The following NT5C2 variants were observed in gnomAD, a reference collection of about 807,000 sequenced individuals.
NT5C2 encodes cytosolic purine 5'-nucleotidase.
In NT5C2, 58 loss-of-function variants were observed where a neutral mutation model predicts 76.1. The ratio of observed to expected loss-of-function variants is 0.76; its 90% CI spans 0.62 to 0.95. The LOEUF (loss-of-function observed/expected upper bound fraction) is 0.95. Ranked by LOEUF, NT5C2 falls within the 40% of genes least tolerant of loss-of-function variation. The probability of loss-of-function intolerance (pLI) is 0.00; values close to 1 mark genes in which losing one functional copy is unlikely to be tolerated. For missense variants in NT5C2, 478 were observed against 690.3 expected, an observed-to-expected ratio of 0.69 and a Z score of 3.45; for synonymous variants, 229 against 237.4, an observed-to-expected ratio of 0.96 and a Z score of 0.32.
At chr10:103,176,799 G>A (rs895847580) in intron 2 of NT5C2, among the ~76,000 whole-genome samples, 5 of 152,100 alleles carry the variant, frequency 3.3e-5, no homozygotes, top group African/African-American at 1.2e-4. Flanking sequence ...GGAGCCACCC[G>A]CCGGCCTCCA....
At chr10:103,090,857 G>A (rs2066609119) in intron 17 of NT5C2, 70 bp from the exon 18 acceptor site, 1 of 1,590,266 alleles carries the variant, frequency 6.3e-7, no homozygotes, top group African/African-American at 1.3e-5. Context: ...TTGAATGCTA[G>A]TCTCTATAAT....
chr10:103,169,859 G>A (rs1454248814), intron 3 of NT5C2, among the ~76,000 whole-genome samples: 3 of 152,114 alleles, frequency 2.0e-5, no homozygotes, highest in Non-Finnish European at 4.4e-5. Flanking sequence ...AGGCATGGTG[G>A]CTCACGCCTG....
chr10:103,189,616 C>T (rs1203449570), intron 1 of NT5C2, among the ~76,000 whole-genome samples: 3 of 145,894 alleles, frequency 2.1e-5, no homozygotes, highest in African/African-American at 5.0e-5. Context: ...AAAAAAAAAA[C>T]GAAAAAAAAA....
chr10:103,132,680 G>C (rs1167853467), intron 4 of NT5C2, among the ~76,000 whole-genome samples: 1 of 151,932 alleles, frequency 6.6e-6, no homozygotes, highest in Non-Finnish European at 1.5e-5. Flanking sequence ...TGAGTAGCTG[G>C]GACTCGGTAC....
chr10:103,105,389 A>T, intron 6 of NT5C2: 10 of 956,514 alleles, frequency 1.0e-5, no homozygotes, highest in Non-Finnish European at 1.4e-5. Flanking sequence ...GAACTGTATT[A>T]GAAAGAAGAA....
At chr10:103,141,460 A>G (rs1032999886) in intron 3 of NT5C2, among the ~76,000 whole-genome samples, 2 of 152,190 alleles carry the variant, frequency 1.3e-5, no homozygotes, top group Admixed American at 6.5e-5. Flanking sequence ...CCTGTTCCCA[A>G]AAAAATAACA....
At chr10:103,136,348 T>C (rs912370203) in intron 4 of NT5C2, among the ~76,000 whole-genome samples, 5 of 152,242 alleles carry the variant, frequency 3.3e-5, no homozygotes, top group African/African-American at 9.6e-5. Flanking sequence ...ATGGAGATGA[T>C]AGTAGTAACT....
Position 103,174,994 on chromosome 10 carries a change from A to G in NT5C2, c.-24-12T>C. On this transcript the variant is annotated splice_polypyrimidine_tract_variant and intron_variant, in intron 2 of 18. Coordinates refer to ENST00000404739, the MANE Select transcript of NT5C2 (RefSeq NM_001351169.2). Reference sequence around the variant, plus strand: ...CTGTATTTTGTATTCTAGAAAAGAAAATCATTAATTTAGTAACTTAATATT... The same window carrying G: ...CTGTATTTTGTATTCTAGAAAAGAAGATCATTAATTTAGTAACTTAATATT... 7.0e-7 allele frequency: 1 copy of G among 1,424,758 alleles called. No homozygotes were observed. 88.3% of individuals were successfully genotyped at this position (1,424,758 alleles called of 1,614,324 possible). A position where few individuals can be genotyped will look rare whatever the true frequency, so the allele number is the denominator to read the frequency against.
At chr10:103,137,816 A>AT (rs1245491615) in intron 4 of NT5C2, among the ~76,000 whole-genome samples, 1 of 152,234 alleles carries the variant, frequency 6.6e-6, no homozygotes, top group Non-Finnish European at 1.5e-5. Flanking sequence ...ATAACTACTG[A>AT]TTAATACATT....
intron 3 of NT5C2, among the ~76,000 whole-genome samples, chr10:103,149,187 G>C (rs1397879564): frequency 6.6e-6 from 1 of 152,180 alleles, no homozygotes; most frequent in East Asian, 1.9e-4. Context: ...CTCTCTGGAA[G>C]AACTCAACTT....
In NT5C2 at chr10:103,089,871, T is replaced by A; in HGVS notation, c.1487A>T (p.Asp496Val). The A allele has an allele frequency of 1.2e-6, 2 of 1,613,180 alleles. No homozygotes were observed. Among genetic ancestry groups the A allele is most frequent in the African/African-American group, 2.7e-5 (2 of 75,014 alleles). The stretch of plus-strand genomic sequence containing the variant: ...AAGAGGAGACTCCATCTCATTGATA[T>A]CTACGTGTGTGTGCTCCACCGTTGA... ...HESTVEHTHVDINEMESPLAT... is the reference protein window; with the variant it reads ...HESTVEHTHVVINEMESPLAT... The change falls in exon 19 of 19, where the codon GAT (aspartate) becomes GTT (valine). Residue 496 changes from aspartate to valine, a missense_variant. Transcript: ENST00000404739.
At chr10:103,090,909 G>A (rs769992284) in intron 17 of NT5C2, 27 bp downstream of exon 17, 3 of 1,610,974 alleles carry the variant, frequency 1.9e-6, no homozygotes, top group Admixed American at 1.7e-5. Context: ...TATTTCCCAA[G>A]TTTTCTCCCA....
rs190510232 is a variant in NT5C2, at chr10:103,124,284, T to A, written c.175+15122A>T. Among the ~76,000 whole-genome samples, 182 of 152,214 alleles carry A rather than the reference T, an allele frequency of 1.2e-3. 1 individual carries two copies. The Middle Eastern group carries it at 0.017, about 14-fold the overall frequency. Reference sequence around the variant, plus strand: ...TCCTTCAGCACACTGGTAAACATGCTCATGGAAACATGCTCTGTTGCCAAA... The same window carrying A: ...TCCTTCAGCACACTGGTAAACATGCACATGGAAACATGCTCTGTTGCCAAA... On this transcript the variant is annotated intron_variant, in intron 4 of 18. Transcript: ENST00000404739.
rs569943489 is a variant in NT5C2 at position 103,156,701 on chromosome 10, G to T, written c.102-17222C>A. 4.6e-5 allele frequency among the ~76,000 whole-genome samples: 7 copies of T among 150,858 alleles called. No individual in the cohort carries two copies. In the Admixed American group the frequency reaches 4.7e-4, roughly 10 times the overall value. On this transcript the variant is annotated intron_variant, in intron 3 of 18. Transcript: ENST00000404739. ...ACCCAGGAGGCGGAGGTTGTGGTGAGCTGAGATCACGCCATTGCACTCCAG... is the reference window on the plus strand; with the variant it reads ...ACCCAGGAGGCGGAGGTTGTGGTGATCTGAGATCACGCCATTGCACTCCAG...
chr10:103,164,551 C>T (rs959938691), intron 3 of NT5C2, among the ~76,000 whole-genome samples: 11 of 151,916 alleles, frequency 7.2e-5, no homozygotes, highest in Admixed American at 2.6e-4. Context: ...CCACCGCGCC[C>T]GGCCAAAAAC....
intron 1 of NT5C2, among the ~76,000 whole-genome samples, chr10:103,192,485 T>C (rs969821314): frequency 6.6e-6 from 1 of 152,186 alleles, no homozygotes; most frequent in African/African-American, 2.4e-5. Context: ...AGGCCTCAGA[T>C]CGGCATCTCG....
chr10:103,142,986 C>CAAAA (rs371773086), intron 3 of NT5C2, among the ~76,000 whole-genome samples: 1 of 50,344 alleles, frequency 2.0e-5, no homozygotes, highest in Admixed American at 1.9e-4. Flanking sequence ...AAGATTCCAT[C>CAAAA]AAAAAAAAAA....
chr10:103,192,519 GAAAA>G lies in NT5C2; in HGVS notation c.-169+713_-169+716del, dbSNP rs1243333909. On this transcript the variant is annotated intron_variant, in intron 1 of 18. Transcript: ENST00000404739. The stretch of plus-strand genomic sequence containing the variant: ...CGCCCTCTCCGATTTCAGGAGCCCC[GAAAA>G]AAGGAGAAGAATAGGCCGCCACTGA... 2.6e-5 allele frequency among the ~76,000 whole-genome samples: 4 copies of G among 152,146 alleles called. No homozygotes were observed. The East Asian group carries it at 7.7e-4, about 29-fold the overall frequency.
Position 103,091,563 on chromosome 10 carries a change from C to T in NT5C2, c.1211+1G>A, listed in dbSNP as rs2066897839. 1 of 1,611,288 alleles carries T rather than the reference C, an allele frequency of 6.2e-7. No individual in the cohort carries two copies. The highest frequency in any genetic ancestry group is 8.5e-7 in the Non-Finnish European group (1 of 1,177,734). On this transcript the variant is annotated splice_donor_variant, in intron 16 of 18. Coordinates refer to ENST00000404739, the MANE Select transcript of NT5C2 (RefSeq NM_001351169.2). LOFTEE classifies it high-confidence loss of function. ...GGGAAAGAAATTTTTAGAAAACTTA[C>T]TTGTAGAGTTCAGCCAAGAAAATAT...
Sources: gnomAD v4.1 joint callset for allele counts (sites outside exome capture counted in the v4.1 genomes callset) on GRCh38, gnomAD v4.1.1 for gene constraint, MANE v1.5 for transcripts, NCBI Gene and HGNC (gene_info 2026-07-23, HGNC 2026-07-21) for gene names.